PDE1C: variants seen among roughly 807,000 people sequenced by gnomAD.
PDE1C encodes the protein dual specificity calcium/calmodulin-dependent 3',5'-cyclic nucleotide phosphodiesterase 1C.
In PDE1C, 62 loss-of-function variants were observed where a neutral mutation model predicts 93.1. The observed-to-expected ratio is 0.67, with a 90% confidence interval of 0.54 to 0.82. PDE1C has a LOEUF of 0.82. PDE1C is among the 40% of genes least tolerant of loss of function. PDE1C has a pLI of 0.00. For synonymous variants in PDE1C, 325 were observed against 310.1 expected, an observed-to-expected ratio of 1.05 and a Z score of -0.50; for missense variants, 742 against 884.6, an observed-to-expected ratio of 0.84 and a Z score of 2.04.
intron 1 of PDE1C, among the ~76,000 whole-genome samples, chr7:32,055,114 T>C (rs1700480623): frequency 6.6e-6 from 1 of 152,256 alleles, no homozygotes; most frequent in African/African-American, 2.4e-5. Flanking sequence ...TGTTTCTTCC[T>C]TGTCATGGCA....
intron 2 of PDE1C, among the ~76,000 whole-genome samples, chr7:31,940,008 A>G: frequency 6.6e-6 from 1 of 152,172 alleles, no homozygotes; most frequent in East Asian, 1.9e-4. Flanking sequence ...CTAGAGCAAA[A>G]TGTCAGATTA....
intron 2 of PDE1C, among the ~76,000 whole-genome samples, chr7:31,930,082 C>T (rs1252186731): frequency 6.6e-6 from 1 of 152,152 alleles, no homozygotes; most frequent in Non-Finnish European, 1.5e-5. Context: ...AAGGGGATAT[C>T]ACCACTGATC....
intron 2 of PDE1C, among the ~76,000 whole-genome samples, chr7:32,021,848 A>G (rs777878630): frequency 6.6e-6 from 1 of 152,104 alleles, no homozygotes; most frequent in Non-Finnish European, 1.5e-5. Context: ...TAGGAACTCT[A>G]CATTTACATG....
chr7:31,714,626 G>C, the PDE1C span, among the ~76,000 whole-genome samples: 1 of 152,228 alleles, frequency 6.6e-6, no homozygotes, highest in Non-Finnish European at 1.5e-5. Flanking sequence ...TGGACTTGCA[G>C]TTTCACATGG....
At position 32,019,060 on chromosome 7, in the gene PDE1C, AT is replaced by A. The variant is rs1342770320; in HGVS notation, c.128+32493del. On this transcript the variant is annotated intron_variant, in intron 2 of 17. Coordinates refer to ENST00000396191, the MANE Select transcript of PDE1C (RefSeq NM_001191057.4). ...ATTCAGTACCTATGATAAACCAGGC[AT>A]AGTGCTAGGTAAGGGGCCCAAAGGT... Among the ~76,000 whole-genome samples the A allele has an allele frequency of 4.6e-5, 7 of 151,776 alleles. No homozygotes were observed. The East Asian group carries it at 1.4e-3, about 30-fold the overall frequency.
intron 3 of PDE1C, among the ~76,000 whole-genome samples, chr7:32,077,568 TTTTA>T (rs1213771526): frequency 7.9e-5 from 12 of 152,228 alleles, no homozygotes; most frequent in Middle Eastern, 3.4e-3. Context: ...TTTTAATTTA[TTTTA>T]TTTATTTATT....
chr7:31,843,661 T>G (rs2128782710), intron 9 of PDE1C, among the ~76,000 whole-genome samples: 1 of 152,010 alleles, frequency 6.6e-6, no homozygotes, highest in South Asian at 2.1e-4. Flanking sequence ...AGTAGAATGT[T>G]TAGTCCTTTA....
chr7:32,028,979 G>T (rs1789879373), intron 2 of PDE1C, among the ~76,000 whole-genome samples: 1 of 151,944 alleles, frequency 6.6e-6, no homozygotes, highest in African/African-American at 2.4e-5. Context: ...GAAAACATTT[G>T]CAAGCCATAC....
intron 1 of PDE1C, among the ~76,000 whole-genome samples, chr7:32,289,775 G>C (rs1812219519): frequency 6.6e-6 from 1 of 152,182 alleles, no homozygotes; most frequent in Non-Finnish European, 1.5e-5. Flanking sequence ...ACTAGTCCAT[G>C]CAAGTCCAGA....
chr7:32,143,504 T>C (rs867086771), intron 3 of PDE1C, among the ~76,000 whole-genome samples: 7 of 151,982 alleles, frequency 4.6e-5, no homozygotes, highest in African/African-American at 1.4e-4. Flanking sequence ...CTTGAGCTTC[T>C]CTTCTTGCCA....
At chr7:31,782,927 G>T (rs1388424802) in intron 16 of PDE1C, among the ~76,000 whole-genome samples, 1 of 152,202 alleles carries the variant, frequency 6.6e-6, no homozygotes, top group East Asian at 1.9e-4. Flanking sequence ...CTTAAGGCAG[G>T]ATAGCCTAAG....
intron 1 of PDE1C, among the ~76,000 whole-genome samples, chr7:32,374,179 A>AAAGAAAGAAAGAAAGAAAG (rs1554313954): frequency 0.024 from 748 of 31,240 alleles, 11 homozygotes; most frequent in African/African-American, 0.039. Flanking sequence ...AGAAAGAAAG[A>AAAGAAAGAAAGAAAGAAAG]AAGAAAGAAA....
chr7:32,304,253 G>A (rs147594457), upstream of PDE1C, among the ~76,000 whole-genome samples: 230 of 152,304 alleles, frequency 1.5e-3, 2 homozygotes, highest in African/African-American at 5.4e-3. Context: ...TCATCACACT[G>A]CACTCATACT....
At chr7:31,836,579 C>A (rs1791138396) in intron 11 of PDE1C, among the ~76,000 whole-genome samples, 1 of 152,086 alleles carries the variant, frequency 6.6e-6, no homozygotes, top group African/African-American at 2.4e-5. Flanking sequence ...ATGATCCACC[C>A]GCCTTGGCCT....
intron 3 of PDE1C, among the ~76,000 whole-genome samples, chr7:32,085,509 C>T (rs916102348): frequency 7.4e-5 from 11 of 149,472 alleles, no homozygotes; most frequent in African/African-American, 2.7e-4. Context: ...TTTCTGAGGC[C>T]AGCATCATCC....
At chr7:32,259,292 A>G in intron 1 of PDE1C, among the ~76,000 whole-genome samples, 1 of 152,232 alleles carries the variant, frequency 6.6e-6, no homozygotes, top group East Asian at 1.9e-4. Context: ...TTCTATCTCT[A>G]GCTTCTTTTC....
chr7:31,781,474 C>G (rs939553835), intron 16 of PDE1C, among the ~76,000 whole-genome samples: 13 of 151,850 alleles, frequency 8.6e-5, no homozygotes, highest in Non-Finnish European at 1.6e-4. Context: ...TTTCTGATAC[C>G]CACAGACCTC....
At chr7:31,620,388 G>A in the PDE1C span, among the ~76,000 whole-genome samples, 1,583 of 151,894 alleles carry the variant, frequency 0.01, 12 homozygotes, top group Non-Finnish European at 0.018. Flanking sequence ...ACCTCACACG[G>A]CCGGGTACTC....
intron 2 of PDE1C, among the ~76,000 whole-genome samples, chr7:32,206,091 C>G (rs73106518): frequency 4.0e-5 from 6 of 151,868 alleles, no homozygotes; most frequent in Non-Finnish European, 5.9e-5. Context: ...ACCTGCTCAA[C>G]GCGGCACAGA....
Sources: gnomAD v4.1 joint callset for allele counts (sites outside exome capture counted in the v4.1 genomes callset) on GRCh38, gnomAD v4.1.1 for gene constraint, MANE v1.5 for transcripts, NCBI Gene and HGNC (gene_info 2026-07-23, HGNC 2026-07-21) for gene names.